Variants in RPS6KC1 observed in about 807,000 individuals in gnomAD.
RPS6KC1 encodes inactive ribosomal protein S6 kinase delta-1.
A neutral mutation model predicts 103.8 loss-of-function variants in RPS6KC1; 54 were observed. The ratio of observed to expected loss-of-function variants is 0.52; its 90% CI spans 0.42 to 0.65. The LOEUF is 0.65. Ranked by LOEUF, RPS6KC1 falls within the 30% of genes least tolerant of loss-of-function variation. The probability of loss-of-function intolerance (pLI) is 0.00; values close to 1 mark genes in which losing one functional copy is unlikely to be tolerated. For synonymous variants in RPS6KC1, 439 were observed against 438.7 expected, an observed-to-expected ratio of 1.00 and a Z score of -0.01; for missense variants, 1,151 against 1,253.8, an observed-to-expected ratio of 0.92 and a Z score of 1.24.
the RPS6KC1 span, among the ~76,000 whole-genome samples, chr1:213,539,292 T>C: frequency 1.3e-5 from 2 of 152,114 alleles, no homozygotes; most frequent in African/African-American, 2.4e-5. Flanking sequence ...GTGGAATAAA[T>C]TGGCCTGTTT....
the RPS6KC1 span, among the ~76,000 whole-genome samples, chr1:213,680,261 C>T: frequency 1.1e-4 from 17 of 152,240 alleles, no homozygotes; most frequent in Non-Finnish European, 8.8e-5. Flanking sequence ...GAGGTTACAA[C>T]GCAGACTCAA....
At chr1:213,377,277 T>C in the RPS6KC1 span, among the ~76,000 whole-genome samples, 1 of 152,190 alleles carries the variant, frequency 6.6e-6, no homozygotes, top group African/African-American at 2.4e-5. Context: ...GGAAGTTCCG[T>C]TGAAATTCAC....
the RPS6KC1 span, among the ~76,000 whole-genome samples, chr1:213,669,041 A>G: frequency 6.6e-6 from 1 of 152,148 alleles, no homozygotes; most frequent in Admixed American, 6.5e-5. Flanking sequence ...AACTTTCTTC[A>G]TATCAGCAAT....
At chr1:213,729,850 G>A in the RPS6KC1 span, among the ~76,000 whole-genome samples, 1 of 151,928 alleles carries the variant, frequency 6.6e-6, no homozygotes, top group Non-Finnish European at 1.5e-5. Flanking sequence ...GGAGTTTGTT[G>A]TACAAATTAT....
intron 3 of RPS6KC1, among the ~76,000 whole-genome samples, chr1:213,096,385 C>G (rs2081454473): frequency 6.6e-6 from 1 of 152,014 alleles, no homozygotes. Flanking sequence ...TTACAATCAG[C>G]TTCTAAAATC....
chr1:213,453,041 G>T, the RPS6KC1 span, among the ~76,000 whole-genome samples: 1 of 151,900 alleles, frequency 6.6e-6, no homozygotes, highest in Non-Finnish European at 1.5e-5. Flanking sequence ...TCTGACAAAG[G>T]TAATCCACGT....
At chr1:213,377,740 C>G in the RPS6KC1 span, among the ~76,000 whole-genome samples, 7 of 152,154 alleles carry the variant, frequency 4.6e-5, no homozygotes, top group African/African-American at 1.4e-4. Flanking sequence ...TGCTACATGT[C>G]TGATTGGGGG....
At chr1:213,840,818 A>G in the RPS6KC1 span, 2 of 152,180 alleles carry the variant, frequency 1.3e-5, no homozygotes, top group Non-Finnish European at 2.9e-5. Context: ...GTTGGAATGT[A>G]CAAACTTGAG....
chr1:213,338,649 C>T, the RPS6KC1 span, among the ~76,000 whole-genome samples: 9 of 152,322 alleles, frequency 5.9e-5, no homozygotes, highest in African/African-American at 2.2e-4. Flanking sequence ...AGACTTCTCT[C>T]CTCAAGATCT....
chr1:213,616,307 T>TG, the RPS6KC1 span, among the ~76,000 whole-genome samples: 2 of 152,170 alleles, frequency 1.3e-5, no homozygotes, highest in African/African-American at 2.4e-5. Flanking sequence ...AGGCGCCTCT[T>TG]GCAGAGGCAC....
At chr1:213,191,399 A>G (rs371560148) in intron 8 of RPS6KC1, among the ~76,000 whole-genome samples, 4 of 152,184 alleles carry the variant, frequency 2.6e-5, no homozygotes, top group South Asian at 4.1e-4. Context: ...ATTTGTAGCT[A>G]TTGTAAATGG....
the RPS6KC1 span, among the ~76,000 whole-genome samples, chr1:213,765,763 T>C: frequency 4.6e-5 from 7 of 152,254 alleles, no homozygotes; most frequent in South Asian, 1.5e-3. Flanking sequence ...GCAGAATAAG[T>C]AACCCAAGTC....
chr1:213,720,516 A>T, the RPS6KC1 span, among the ~76,000 whole-genome samples: 1 of 152,256 alleles, frequency 6.6e-6, no homozygotes. Flanking sequence ...TCAAAATGCC[A>T]GGAGAACTCA....
At chr1:213,175,044 C>A (rs1333443672) in intron 7 of RPS6KC1, among the ~76,000 whole-genome samples, 1 of 151,946 alleles carries the variant, frequency 6.6e-6, no homozygotes, top group African/African-American at 2.4e-5. Flanking sequence ...AATCTGAAAA[C>A]AAAACAAAAA....
chr1:213,816,577 C>G, the RPS6KC1 span, among the ~76,000 whole-genome samples: 2 of 152,142 alleles, frequency 1.3e-5, no homozygotes, highest in African/African-American at 4.8e-5. Context: ...GGTACCTGGG[C>G]CGCTCGTGGG....
At chr1:213,586,452 T>C in the RPS6KC1 span, among the ~76,000 whole-genome samples, 1 of 152,216 alleles carries the variant, frequency 6.6e-6, no homozygotes, top group Non-Finnish European at 1.5e-5. Context: ...CTGTATCTAA[T>C]CATAAATCAT....
the RPS6KC1 span, among the ~76,000 whole-genome samples, chr1:213,297,368 T>C: frequency 6.6e-6 from 1 of 152,242 alleles, no homozygotes; most frequent in African/African-American, 2.4e-5. Context: ...GCCTTGTTCA[T>C]GTACCTGTGT....
intron 6 of RPS6KC1, among the ~76,000 whole-genome samples, chr1:213,148,705 A>G (rs903398161): frequency 1.3e-5 from 2 of 152,086 alleles, no homozygotes; most frequent in South Asian, 2.1e-4. Flanking sequence ...GAACGAGTTT[A>G]TAAGTATTCC....
the RPS6KC1 span, among the ~76,000 whole-genome samples, chr1:213,782,130 C>T: frequency 6.6e-6 from 1 of 152,100 alleles, no homozygotes; most frequent in East Asian, 1.9e-4. Context: ...CTTGCTCATG[C>T]AAAGTCCAGG....
Sources: gnomAD v4.1 joint callset for allele counts (sites outside exome capture counted in the v4.1 genomes callset) on GRCh38, gnomAD v4.1.1 for gene constraint, MANE v1.5 for transcripts, NCBI Gene and HGNC (gene_info 2026-07-23, HGNC 2026-07-21) for gene names.